PDE8A: variants seen among roughly 807,000 people sequenced by gnomAD.
PDE8A encodes the protein phosphodiesterase 8A.
PDE8A carries 59 observed loss-of-function variants against 105.0 expected under a neutral mutation model. The ratio of observed to expected loss-of-function variants is 0.56; its 90% CI spans 0.46 to 0.70. The LOEUF (loss-of-function observed/expected upper bound fraction) is 0.70. Among genes scored for constraint, PDE8A ranks in the 30% least tolerant of loss-of-function variants. The pLI is 0.00. For synonymous variants in PDE8A, 355 were observed against 371.9 expected (o/e 0.95, Z 0.52); for missense variants, 1,014 against 1,045.9 (o/e 0.97, Z 0.42).
intron 16 of PDE8A, among the ~76,000 whole-genome samples, chr15:85,117,023 G>A (rs2082107163): frequency 6.6e-6 from 1 of 152,168 alleles, no homozygotes; most frequent in African/African-American, 2.4e-5. Context: ...CCAGTTTCTT[G>A]GCCTTCACAG....
chr15:84,985,726 A>G (rs1412862614), intron 1 of PDE8A, among the ~76,000 whole-genome samples: 1 of 152,298 alleles, frequency 6.6e-6, no homozygotes, highest in East Asian at 1.9e-4. Flanking sequence ...CGTATGTTGA[A>G]TTAGAGAATT....
chr15:84,981,725 C>T (rs1234275192), upstream of PDE8A, among the ~76,000 whole-genome samples: 2 of 151,194 alleles, frequency 1.3e-5, no homozygotes, highest in African/African-American at 2.4e-5. Flanking sequence ...CGGGGCCGGG[C>T]GCGGCCGGGA....
chr15:85,086,022 A>G (rs867974994), intron 6 of PDE8A, among the ~76,000 whole-genome samples: 25 of 150,896 alleles, frequency 1.7e-4, no homozygotes, highest in Middle Eastern at 6.8e-3. Flanking sequence ...CAAAAAGTAA[A>G]AAAAAAAAAA....
chr15:85,109,676 A>G (rs781116831), intron 12 of PDE8A, among the ~76,000 whole-genome samples: 10 of 152,220 alleles, frequency 6.6e-5, no homozygotes, highest in Non-Finnish European at 4.4e-5. Context: ...AGCTGTATAC[A>G]TTCTTTGGCC....
At chr15:85,079,319 C>T (rs1223078203) in intron 5 of PDE8A, among the ~76,000 whole-genome samples, 1 of 152,120 alleles carries the variant, frequency 6.6e-6, no homozygotes, top group South Asian at 2.1e-4. Context: ...ACAGACTTAT[C>T]TAAGAGGTAG....
Position 84,985,088 on chromosome 15 carries a change from G to T in PDE8A, c.186+2740G>T, listed in dbSNP as rs2079781120. On this transcript the variant is annotated intron_variant, in intron 1 of 21. Transcript: ENST00000394553. ...AGTCTCCAAGTGGTTTTTAGAGTGT[G>T]CATCATTTCCTAAACTAGTTGATTG... 2.0e-5 allele frequency among the ~76,000 whole-genome samples: 3 copies of T among 152,158 alleles called. No homozygotes were observed. The South Asian group carries it at 6.2e-4, about 32-fold the overall frequency.
chr15:85,053,510 G>A (rs2081009071), intron 1 of PDE8A, among the ~76,000 whole-genome samples: 1 of 152,164 alleles, frequency 6.6e-6, no homozygotes, highest in South Asian at 2.1e-4. Context: ...GCAGTGGTTT[G>A]TAGTTCTCCT....
chr15:84,984,223 T>TAG (rs1239661711), intron 1 of PDE8A, among the ~76,000 whole-genome samples: 1 of 152,206 alleles, frequency 6.6e-6, no homozygotes, highest in Non-Finnish European at 1.5e-5. Context: ...ACAGAAATAA[T>TAG]AGCCCCATAC....
chr15:85,016,629 C>G (rs1377378516), intron 1 of PDE8A, among the ~76,000 whole-genome samples: 1 of 152,226 alleles, frequency 6.6e-6, no homozygotes, highest in East Asian at 1.9e-4. Context: ...TCTGGCTGTT[C>G]TTGCTTGTTT....
chr15:85,011,511 T>TA (rs2080238797), intron 1 of PDE8A, among the ~76,000 whole-genome samples: 1 of 152,134 alleles, frequency 6.6e-6, no homozygotes, highest in Admixed American at 6.6e-5. Context: ...TGTCAATGTG[T>TA]AAAAAATTAT....
Position 85,013,538 on chromosome 15 carries a change from G to A in PDE8A, c.186+31190G>A, listed in dbSNP as rs142577510. On this transcript the variant is annotated intron_variant, in intron 1 of 21. Transcript: ENST00000394553. ...GTGTTTGCCAGAATAAAGGAATTGTGTTTAAAGGATTGTCTGTAATTACTC... is the reference window on the plus strand; with the variant it reads ...GTGTTTGCCAGAATAAAGGAATTGTATTTAAAGGATTGTCTGTAATTACTC... Among the ~76,000 whole-genome samples the A allele has an allele frequency of 2.0e-5, 3 of 152,236 alleles. No individual in the cohort carries two copies. In the East Asian group the frequency reaches 5.8e-4, roughly 29 times the overall value.
intron 1 of PDE8A, among the ~76,000 whole-genome samples, chr15:85,054,846 C>T (rs557888633): frequency 5.9e-5 from 9 of 152,292 alleles, no homozygotes; most frequent in African/African-American, 1.7e-4. Flanking sequence ...TTCTTGCCTT[C>T]TGCTAGCTTT....
chr15:85,126,221 C>T lies in PDE8A; in HGVS notation c.2100C>T (p.Asn700=), dbSNP rs16974908. The T allele has an allele frequency of 0.028, 44,601 of 1,602,560 alleles. 3,285 individuals carry two copies. The African/African-American group carries it at 0.28, about 10-fold the overall frequency. ...TCATGTTTCAGGAAACTGATAAAAA[C>T]CAGGAAGTGATAAACACTATGCTTA... The part of the protein sequence containing the change: ...TLEENGETDK[N]QEVINTMLRT... Residue 700 remains asparagine, a synonymous_variant, in exon 20 of 22, where the codon AAC becomes AAT. Coordinates refer to ENST00000394553, the MANE Select transcript of PDE8A (RefSeq NM_002605.3).
At chr15:85,022,492 G>A (rs1035770874) in intron 1 of PDE8A, among the ~76,000 whole-genome samples, 50 of 150,824 alleles carry the variant, frequency 3.3e-4, no homozygotes, top group Non-Finnish European at 5.9e-4. Context: ...AGGCAAGGCG[G>A]CATTTTTCAG....
Position 85,120,833 on chromosome 15 carries a change from A to AT in PDE8A, c.1772dup (p.Ala592ArgfsTer6). 1 of 1,614,074 alleles carries AT rather than the reference A, an allele frequency of 6.2e-7. No individual in the cohort carries two copies. Among genetic ancestry groups the AT allele is most frequent in the Non-Finnish European group, 8.5e-7 (1 of 1,179,930 alleles). On this transcript the variant is annotated frameshift_variant, in exon 18 of 22. Coordinates refer to ENST00000394553, the MANE Select transcript of PDE8A (RefSeq NM_002605.3). LOFTEE classifies it high-confidence loss of function. ...TCCAATTGATGAGGTCGCTGCACTC[A>AT]TCGCAGCCACCATTCATGATGTGGA...
chr15:84,992,766 G>A (rs1054736687), intron 1 of PDE8A, among the ~76,000 whole-genome samples: 1 of 152,176 alleles, frequency 6.6e-6, no homozygotes, highest in Non-Finnish European at 1.5e-5. Flanking sequence ...AGAGGTTGGG[G>A]TTTACCAGCT....
intron 1 of PDE8A, among the ~76,000 whole-genome samples, chr15:85,032,013 C>T (rs1028684615): frequency 6.6e-6 from 1 of 152,174 alleles, no homozygotes; most frequent in South Asian, 2.1e-4. Context: ...GAGGTTCGCT[C>T]ATTTGTATAG....
rs2082324987 is a variant in PDE8A at position 85,131,140 on chromosome 15, T to C, written c.2253+4766T>C. Among the ~76,000 whole-genome samples the C allele has an allele frequency of 3.9e-5, 6 of 152,238 alleles. No individual in the cohort carries two copies. In the South Asian group the frequency reaches 1.2e-3, roughly 31 times the overall value. On this transcript the variant is annotated intron_variant, in intron 20 of 21. Transcript: ENST00000394553. ...TCTTGGATATTATTTTCATGAGATA[T>C]CTTTTTCCATCCTTTCATTTTCAAC...
At chr15:85,083,508 TAAAG>T (rs2081500388) in intron 5 of PDE8A, 44 bp from the exon 6 acceptor site, 2 of 1,135,760 alleles carry the variant, frequency 1.8e-6, no homozygotes, top group Non-Finnish European at 2.7e-6. Context: ...TTGGCACAAA[TAAAG>T]AAGCACTTTT....
Sources: allele counts gnomAD v4.1 joint callset (sites outside exome capture counted in the v4.1 genomes callset), GRCh38; gene constraint gnomAD v4.1.1; transcripts MANE v1.5; gene names NCBI Gene and HGNC (gene_info 2026-07-23, HGNC 2026-07-21).